Variants in CDH4 observed in about 807,000 individuals in gnomAD.
CDH4 encodes the protein cadherin-4.
A neutral mutation model predicts 86.0 loss-of-function variants in CDH4; 33 were observed. The ratio of observed to expected loss-of-function variants is 0.38; its 90% CI spans 0.29 to 0.51. CDH4 has a LOEUF of 0.51. Among genes scored for constraint, CDH4 ranks in the 20% least tolerant of loss-of-function variants. The pLI is 0.86. For missense variants in CDH4, 1,114 were observed against 1,307.4 expected (o/e 0.85, Z 2.28); for synonymous variants, 555 against 549.4 (o/e 1.01, Z -0.14).
intron 2 of CDH4, among the ~76,000 whole-genome samples, chr20:61,351,182 A>T (rs772980225): frequency 6.6e-6 from 1 of 152,232 alleles, no homozygotes; most frequent in Non-Finnish European, 1.5e-5. Context: ...CCCTGGATCA[A>T]CCAACCACAG....
chr20:61,700,399 A>G (rs575255213), intron 2 of CDH4, among the ~76,000 whole-genome samples: 1 of 152,302 alleles, frequency 6.6e-6, no homozygotes, highest in East Asian at 1.9e-4. Context: ...CCTTGGGCTT[A>G]TATTAGACTC....
intron 2 of CDH4, among the ~76,000 whole-genome samples, chr20:61,303,488 C>T (rs1334339063): frequency 6.6e-6 from 1 of 152,202 alleles, no homozygotes; most frequent in Non-Finnish European, 1.5e-5. Context: ...CTGGCTGCCC[C>T]TCTTCCCCTT....
At chr20:61,722,644 G>A (rs896637270) in intron 2 of CDH4, among the ~76,000 whole-genome samples, 5 of 67,066 alleles carry the variant, frequency 7.5e-5, no homozygotes, top group Admixed American at 3.0e-4. Flanking sequence ...CACCCCCCAC[G>A]CATGCACAGT....
chr20:61,644,361 G>A (rs944265), intron 2 of CDH4, among the ~76,000 whole-genome samples: 25,705 of 152,210 alleles, frequency 0.17, 2,273 homozygotes, highest in South Asian at 0.27. Context: ...ACAGGGCTGC[G>A]CAGAGCCCTT....
chr20:61,839,737 G>A (rs1600701763), intron 4 of CDH4, among the ~76,000 whole-genome samples: 1 of 151,216 alleles, frequency 6.6e-6, no homozygotes, highest in South Asian at 2.1e-4. Flanking sequence ...TGTGTGTTGT[G>A]TGTACATGTA....
At chr20:61,586,240 G>C (rs1489489720) in intron 2 of CDH4, among the ~76,000 whole-genome samples, 2 of 152,056 alleles carry the variant, frequency 1.3e-5, no homozygotes, top group Non-Finnish European at 2.9e-5. Flanking sequence ...TCATGGTCAT[G>C]ATGATGGCAA....
chr20:61,435,841 G>C (rs979592590), intron 2 of CDH4: 1 of 152,310 alleles, frequency 6.6e-6, no homozygotes, highest in African/African-American at 2.4e-5. Context: ...AAAGACACCA[G>C]CTGCCTCATG....
At chr20:61,689,160 C>T (rs1433504298) in intron 2 of CDH4, among the ~76,000 whole-genome samples, 1 of 152,216 alleles carries the variant, frequency 6.6e-6, no homozygotes, top group Non-Finnish European at 1.5e-5. Context: ...TGGGCAGGGA[C>T]ATTGTTTGGT....
intron 9 of CDH4, among the ~76,000 whole-genome samples, chr20:61,920,858 G>C (rs1189312084): frequency 2.1e-5 from 3 of 142,760 alleles, no homozygotes; most frequent in Non-Finnish European, 3.0e-5. Context: ...TGGAAGCATG[G>C]TGTCACAGTA....
At chr20:61,614,850 G>A (rs956375336) in intron 2 of CDH4, among the ~76,000 whole-genome samples, 4 of 152,136 alleles carry the variant, frequency 2.6e-5, no homozygotes, top group African/African-American at 9.7e-5. Flanking sequence ...CAGACCCAGG[G>A]GATGGGGCAG....
At chr20:61,256,659 A>C (rs533650441) in intron 2 of CDH4, among the ~76,000 whole-genome samples, 2 of 152,310 alleles carry the variant, frequency 1.3e-5, no homozygotes, top group South Asian at 4.1e-4. Context: ...GGACCAGCTC[A>C]GACATTGTGT....
chr20:61,314,014 C>A (rs1568793606), intron 2 of CDH4, among the ~76,000 whole-genome samples: 2 of 152,208 alleles, frequency 1.3e-5, no homozygotes. Flanking sequence ...GGATTACAGG[C>A]GTGAGCCACA....
intron 2 of CDH4, among the ~76,000 whole-genome samples, chr20:61,264,651 A>T (rs1456713462): frequency 2.7e-5 from 4 of 148,200 alleles, no homozygotes; most frequent in South Asian, 4.5e-4. Flanking sequence ...TCAATCTTAC[A>T]CATACCTCAG....
Position 61,873,883 on chromosome 20 carries a change from G to A in CDH4, c.1033G>A (p.Ala345Thr). The part of the protein sequence containing the change: ...SETGDIVTVA[A>T]GLDREKVQQY... ...GACTGGAGATATCGTCACAGTGGCG[G>A]CTGGCCTGGACCGAGAGGTGAGGCG... Residue 345 changes from alanine (A) to threonine (T), a missense_variant, in exon 7 of 16, where the codon GCT (alanine) becomes ACT (threonine). Physicochemically the swap from Ala to Thr is moderately conservative, Grantham distance 58 (BLOSUM62 0). Around this residue, in one of 3 missense-constraint regions of CDH4, gnomAD observed 705 missense variants for 914.1 expected, o/e 0.77. Coordinates refer to ENST00000614565, the MANE Select transcript of CDH4 (RefSeq NM_001794.5). 6.2e-7 allele frequency: 1 copy of A among 1,613,806 alleles called. No homozygotes were observed.
At chr20:61,424,084 G>GTATACACACGTATACACACA (rs1568839120) in intron 2 of CDH4, among the ~76,000 whole-genome samples, 2 of 150,058 alleles carry the variant, frequency 1.3e-5, no homozygotes, top group Non-Finnish European at 3.0e-5. Flanking sequence ...CAGCACACAC[G>GTATACACACGTATACACACA]TATACACACG....
chr20:61,773,003 C>G lies in CDH4; in HGVS notation c.397C>G (p.Pro133Ala), dbSNP rs1383224602. Residue 133 changes from proline to alanine, a missense_variant and splice_region_variant, in exon 4 of 16, where the codon CCG becomes GCG. This residue lies in a region of CDH4 where 221 missense variants were observed against 209.5 expected (regional missense o/e 1.05). Coordinates refer to ENST00000614565, the MANE Select transcript of CDH4 (RefSeq NM_001794.5). ...TCTTCTCTCCCCTTTCCAAATAAAG[C>G]CGCAGAAAGGAAAGAAGGTCGTGGC... Reference protein sequence around the residue: ...QTSSPHSGHKPQKGKKVVALD... With the variant: ...QTSSPHSGHKAQKGKKVVALD... 1 of 1,606,778 alleles carries G rather than the reference C, an allele frequency of 6.2e-7. No homozygotes were observed. The highest frequency in any genetic ancestry group is 8.5e-7 in the Non-Finnish European group (1 of 1,175,232).
At chr20:61,646,455 G>A (rs946503643) in intron 2 of CDH4, among the ~76,000 whole-genome samples, 4 of 152,212 alleles carry the variant, frequency 2.6e-5, no homozygotes, top group Non-Finnish European at 4.4e-5. Flanking sequence ...GGGCATGGGT[G>A]TCAGACACAC....
chr20:61,565,221 T>TAGGGGGTAGTGGTCCTCTTGGTGATGGGG (rs2086268392), intron 2 of CDH4, among the ~76,000 whole-genome samples: 1 of 40,548 alleles, frequency 2.5e-5, no homozygotes, highest in Non-Finnish European at 4.9e-5. Flanking sequence ...CTCTCGGTGG[T>TAGGGGGTAGTGGTCCTCTTGGTGATGGGG]AGGTGGTGGT....
chr20:61,382,531 G>A (rs1333356025), intron 2 of CDH4, among the ~76,000 whole-genome samples: 1 of 152,172 alleles, frequency 6.6e-6, no homozygotes, highest in Non-Finnish European at 1.5e-5. Context: ...GGCTTCCCAG[G>A]GCTGTTGTGA....
Sources: allele counts gnomAD v4.1 joint callset (sites outside exome capture counted in the v4.1 genomes callset), GRCh38; gene constraint gnomAD v4.1.1; regional missense constraint gnomAD v4.1.1; transcripts MANE v1.5; gene names NCBI Gene and HGNC (gene_info 2026-07-23, HGNC 2026-07-21).